KLHL2: variants seen among roughly 807,000 people sequenced by gnomAD.
KLHL2 encodes kelch like family member 2, also known as kelch-like protein 2.
Under a neutral mutation model 75.8 loss-of-function variants are expected in KLHL2, and 15 were observed. The ratio of observed to expected loss-of-function variants is 0.20; its 90% CI spans 0.13 to 0.30. The LOEUF (loss-of-function observed/expected upper bound fraction) is 0.30. Ranked by LOEUF, KLHL2 falls within the 10% of genes least tolerant of loss-of-function variation. The pLI is 1.00. For missense variants in KLHL2, 381 were observed against 741.0 expected, an observed-to-expected ratio of 0.51 and a Z score of 5.64; for synonymous variants, 214 against 251.9, an observed-to-expected ratio of 0.85 and a Z score of 1.42.
intron 5 of KLHL2, chr4:165,279,538 A>G (rs778738286): frequency 2.6e-6 from 4 of 1,554,662 alleles, no homozygotes; most frequent in Non-Finnish European, 3.6e-6. Context: ...GATGATGACT[A>G]AGTAGTTCAG....
At chr4:165,228,732 A>G in intron 2 of KLHL2, 75 bp from the exon 3 acceptor site, 2 of 846,366 alleles carry the variant, frequency 2.4e-6, no homozygotes, top group Admixed American at 2.1e-5. Flanking sequence ...GCTTTACTGT[A>G]ATATTTTTGC....
intron 6 of KLHL2, 90 bp downstream of exon 6, chr4:165,294,558 A>G (rs1744768975): frequency 6.6e-6 from 4 of 605,772 alleles, no homozygotes; most frequent in South Asian, 4.6e-5. Flanking sequence ...GTGATCCTGT[A>G]TGTGTAGTGA....
intron 4 of KLHL2, among the ~76,000 whole-genome samples, chr4:165,247,765 C>T (rs1045130071): frequency 6.6e-6 from 1 of 152,148 alleles, no homozygotes; most frequent in African/African-American, 2.4e-5. Flanking sequence ...AAGAGGGATG[C>T]TGGAGATTTG....
chr4:165,230,419 A>G (rs1459337402), intron 3 of KLHL2, among the ~76,000 whole-genome samples: 1 of 152,212 alleles, frequency 6.6e-6, no homozygotes, highest in Non-Finnish European at 1.5e-5. Context: ...AAATGAGATC[A>G]TATGTGTGAA....
chr4:165,247,414 TTTTG>T, intron 4 of KLHL2, among the ~76,000 whole-genome samples: 1 of 152,282 alleles, frequency 6.6e-6, no homozygotes, highest in African/African-American at 2.4e-5. Flanking sequence ...TTAAGGGTGT[TTTTG>T]TTTGTTTGTT....
At chr4:165,214,380 A>T (rs1018843471) in intron 1 of KLHL2, among the ~76,000 whole-genome samples, 1 of 152,164 alleles carries the variant, frequency 6.6e-6, no homozygotes. Context: ...TCCTTAGGAG[A>T]TTGATCTTGC....
At chr4:165,258,958 G>A (rs1305909413) in intron 4 of KLHL2, among the ~76,000 whole-genome samples, 1 of 152,136 alleles carries the variant, frequency 6.6e-6, no homozygotes, top group Non-Finnish European at 1.5e-5. Context: ...AAGTGCTGAT[G>A]CTATTAAATT....
chr4:165,258,259 T>C (rs1410418778), intron 4 of KLHL2, among the ~76,000 whole-genome samples: 1 of 152,152 alleles, frequency 6.6e-6, no homozygotes, highest in Non-Finnish European at 1.5e-5. Context: ...TTATAATTGC[T>C]CCATCTTTGA....
At chr4:165,230,569 C>CTTT (rs35635891) in intron 3 of KLHL2, among the ~76,000 whole-genome samples, 1 of 140,410 alleles carries the variant, frequency 7.1e-6, no homozygotes. Context: ...AAGCTAGGCT[C>CTTT]TTTTTTTTTT....
At chr4:165,249,062 A>G (rs779465623) in intron 4 of KLHL2, among the ~76,000 whole-genome samples, 6 of 152,238 alleles carry the variant, frequency 3.9e-5, no homozygotes, top group Non-Finnish European at 7.3e-5. Flanking sequence ...GTGGTAATCC[A>G]GAAAGTATAC....
intron 5 of KLHL2, among the ~76,000 whole-genome samples, chr4:165,288,648 T>C (rs562666042): frequency 6.6e-6 from 1 of 152,186 alleles, no homozygotes; most frequent in Non-Finnish European, 1.5e-5. Context: ...TGTCTACTGA[T>C]GAACTCTCTT....
chr4:165,247,954 T>C (rs990002470), intron 4 of KLHL2, among the ~76,000 whole-genome samples: 4 of 152,158 alleles, frequency 2.6e-5, no homozygotes, highest in Admixed American at 6.6e-5. Context: ...AGTATAGAGA[T>C]GATGAATGTG....
At chr4:165,305,867 G>T (rs1745690219) in intron 9 of KLHL2, 142 bp downstream of exon 9, 2 of 618,240 alleles carry the variant, frequency 3.2e-6, no homozygotes, top group East Asian at 2.7e-5. Context: ...TAATTCAGGG[G>T]CCTCATATGC....
intron 5 of KLHL2, among the ~76,000 whole-genome samples, chr4:165,289,416 A>G (rs1294909498): frequency 1.3e-5 from 2 of 152,012 alleles, no homozygotes. Flanking sequence ...TGAGAATTAG[A>G]ATTATTTAAA....
At position 165,278,945 on chromosome 4, in the gene KLHL2, C is replaced by T. The variant is rs769991438; in HGVS notation, c.545-15414C>T. 35 of 1,463,402 alleles carry T rather than the reference C, an allele frequency of 2.4e-5. No homozygotes were observed. The Middle Eastern group carries it at 6.9e-4, about 29-fold the overall frequency. 90.7% of individuals were successfully genotyped at this position (1,463,402 alleles called of 1,614,324 possible). A position where few individuals can be genotyped will look rare whatever the true frequency, so the allele number is the denominator to read the frequency against. ...TAGGCCATAGATCTCAGAAGAACTCCGAACATGTGGAAGAATTTCCATTGG... is the reference window on the plus strand; with the variant it reads ...TAGGCCATAGATCTCAGAAGAACTCTGAACATGTGGAAGAATTTCCATTGG... On this transcript the variant is annotated intron_variant, in intron 5 of 14. Coordinates refer to ENST00000226725, the MANE Select transcript of KLHL2 (RefSeq NM_007246.4).
chr4:165,254,663 G>A (rs1462405579), intron 4 of KLHL2, among the ~76,000 whole-genome samples: 1 of 152,162 alleles, frequency 6.6e-6, no homozygotes, highest in East Asian at 1.9e-4. Flanking sequence ...ATTGGGAGGT[G>A]CTAGAAAGAA....
At chr4:165,278,773 A>G in intron 5 of KLHL2, 1 of 1,553,808 alleles carries the variant, frequency 6.4e-7, no homozygotes, top group African/African-American at 1.4e-5. Context: ...ATACACACTT[A>G]TGGCCTGTAT....
In KLHL2 at chr4:165,314,017, GTT is replaced by G; in HGVS notation, c.1469-6_1469-5del. On this transcript the variant is annotated splice_region_variant and splice_polypyrimidine_tract_variant and intron_variant, in intron 12 of 14. Transcript: ENST00000226725. ...TTTGCCCCTCTATTTGGCTGGTTGT[GTT>G]TTATAGGTGTTGGTGTGTTAAACAA... 2 of 1,609,208 alleles carry G rather than the reference GTT, an allele frequency of 1.2e-6. No homozygotes were observed. The highest frequency in any genetic ancestry group is 1.7e-6 in the Non-Finnish European group (2 of 1,178,070).
At chr4:165,208,321 T>C (rs1370095093) in intron 1 of KLHL2, 2 of 154,614 alleles carry the variant, frequency 1.3e-5, no homozygotes, top group African/African-American at 4.8e-5. Flanking sequence ...ACCCGCTGTC[T>C]AAATGAATTG....
Sources: gnomAD v4.1 joint callset for allele counts (sites outside exome capture counted in the v4.1 genomes callset) on GRCh38, gnomAD v4.1.1 for gene constraint, MANE v1.5 for transcripts, NCBI Gene and HGNC (gene_info 2026-07-23, HGNC 2026-07-21) for gene names.